KIFAP3: variants seen among roughly 807,000 people sequenced by gnomAD.
KIFAP3 encodes kinesin-associated protein 3.
A neutral mutation model predicts 106.5 loss-of-function variants in KIFAP3; 68 were observed. The ratio of observed to expected loss-of-function variants is 0.64; its 90% CI spans 0.53 to 0.78. KIFAP3 has a LOEUF of 0.78. KIFAP3 is among the 30% of genes least tolerant of loss of function. KIFAP3 has a pLI of 0.00. For synonymous variants in KIFAP3, 320 were observed against 311.5 expected, an observed-to-expected ratio of 1.03 and a Z score of -0.29; for missense variants, 780 against 941.8, an observed-to-expected ratio of 0.83 and a Z score of 2.25.
At chr1:170,049,818 C>G (rs1486567828) in intron 2 of KIFAP3, among the ~76,000 whole-genome samples, 2 of 151,258 alleles carry the variant, frequency 1.3e-5, no homozygotes, top group Non-Finnish European at 3.0e-5. Context: ...CCACCCCCCC[C>G]CAAAAAAAAC....
chr1:170,005,541 G>T (rs914383262), intron 10 of KIFAP3, among the ~76,000 whole-genome samples: 2 of 151,878 alleles, frequency 1.3e-5, no homozygotes, highest in Admixed American at 6.6e-5. Context: ...AAAATGATGA[G>T]TTCATGTCCT....
At chr1:170,077,720 C>T (rs900222539), upstream of KIFAP3, among the ~76,000 whole-genome samples, 2 of 152,266 alleles carry the variant, frequency 1.3e-5, no homozygotes, top group African/African-American at 4.8e-5. Flanking sequence ...GCCTTATCCC[C>T]ACAACCCCAG....
intron 1 of KIFAP3, chr1:170,069,010 G>C (rs906272877): frequency 6.6e-6 from 1 of 152,016 alleles, no homozygotes; most frequent in African/African-American, 2.4e-5. Flanking sequence ...GAAAAGAAGA[G>C]ACTCAAATTA....
chr1:169,932,265 G>A (rs1230314921), intron 19 of KIFAP3, among the ~76,000 whole-genome samples: 1 of 152,116 alleles, frequency 6.6e-6, no homozygotes, highest in Non-Finnish European at 1.5e-5. Context: ...CTTGTTGGAG[G>A]TGGGGGCAAG....
chr1:170,077,430 T>C (rs1172305252), upstream of KIFAP3, among the ~76,000 whole-genome samples: 1 of 152,148 alleles, frequency 6.6e-6, no homozygotes, highest in Non-Finnish European at 1.5e-5. Context: ...TTTGAAATAT[T>C]CACACAATAC....
chr1:170,074,791 G>A (rs1671863491), upstream of KIFAP3: 2 of 1,197,674 alleles, frequency 1.7e-6, no homozygotes, highest in Admixed American at 3.5e-5. Flanking sequence ...GCACCGGGGA[G>A]CCGAGCAGGG....
intron 7 of KIFAP3, 72 bp downstream of exon 7, chr1:170,034,300 A>T: frequency 6.9e-7 from 1 of 1,440,366 alleles, no homozygotes; most frequent in South Asian, 1.3e-5. Flanking sequence ...AAAAAAGAAC[A>T]AAACCATCCC....
intron 1 of KIFAP3, among the ~76,000 whole-genome samples, chr1:170,080,804 CAT>C (rs1672007405): frequency 6.6e-6 from 1 of 152,052 alleles, no homozygotes; most frequent in Non-Finnish European, 1.5e-5. Flanking sequence ...GCCATTTTAT[CAT>C]GTGTGTAAAT....
At chr1:170,055,482 A>T (rs774624193) in intron 1 of KIFAP3, 46 bp from the exon 2 acceptor site, 1 of 1,482,094 alleles carries the variant, frequency 6.7e-7, no homozygotes, top group Non-Finnish European at 9.1e-7. Flanking sequence ...AAATTCTCAA[A>T]GTGGCCATGG....
chr1:169,972,588 T>C lies in KIFAP3; in HGVS notation c.1908A>G (p.Ala636=), dbSNP rs1269477683. The C allele has an allele frequency of 1.3e-6, 2 of 1,555,274 alleles. No homozygotes were observed. Among genetic ancestry groups the C allele is most frequent in the Non-Finnish European group, 1.8e-6 (2 of 1,135,718 alleles). The stretch of plus-strand genomic sequence containing the variant: ...TATCATGCATTAGGTCTATGAGATA[T>C]GCTGGAGCCTCTGAATAAAAATGGT... ...DVIIKETQAP[A]YLIDLMHDKN... The change falls in exon 17 of 20, where the codon GCA becomes GCG. Residue 636 remains alanine (A), a synonymous_variant. Coordinates refer to ENST00000361580, the MANE Select transcript of KIFAP3 (RefSeq NM_014970.4).
intron 2 of KIFAP3, among the ~76,000 whole-genome samples, chr1:170,049,581 G>A (rs1670466375): frequency 6.6e-6 from 1 of 152,204 alleles, no homozygotes; most frequent in Non-Finnish European, 1.5e-5. Flanking sequence ...CCTCATAAAG[G>A]AGATCTCTGG....
chr1:170,064,561 C>T (rs1671339667), intron 1 of KIFAP3, among the ~76,000 whole-genome samples: 1 of 152,116 alleles, frequency 6.6e-6, no homozygotes, highest in African/African-American at 2.4e-5. Flanking sequence ...AACATATTGC[C>T]CAGGCTAGTC....
At chr1:170,019,694 G>C (rs947620877) in intron 9 of KIFAP3, among the ~76,000 whole-genome samples, 2 of 152,198 alleles carry the variant, frequency 1.3e-5, no homozygotes, top group Non-Finnish European at 1.5e-5. Context: ...TCCTTAAACT[G>C]ATAGCAAGTA....
chr1:169,997,639 G>C (rs1667431051), intron 10 of KIFAP3, among the ~76,000 whole-genome samples: 1 of 152,034 alleles, frequency 6.6e-6, no homozygotes, highest in African/African-American at 2.4e-5. Flanking sequence ...GGGAGGCTGA[G>C]GCATGTGGAT....
At chr1:170,001,503 A>C (rs1428919855) in intron 10 of KIFAP3, among the ~76,000 whole-genome samples, 1 of 152,178 alleles carries the variant, frequency 6.6e-6, no homozygotes, top group East Asian at 1.9e-4. Context: ...TGACGGCGAG[A>C]CATGTGCTTT....
Position 169,954,450 on chromosome 1 carries a change from G to A in KIFAP3, c.2174-340C>T, listed in dbSNP as rs536419889. Among the ~76,000 whole-genome samples, 21 of 152,272 alleles carry A rather than the reference G, an allele frequency of 1.4e-4. 1 individual carries two copies. The South Asian group carries it at 4.1e-3, about 30-fold the overall frequency. ...AAGGGAAGCAAGGTGGGGACAGACA[G>A]TAAGGATGGTTCAGGCTAAGGAAAT... On this transcript the variant is annotated intron_variant, in intron 18 of 19. Coordinates refer to ENST00000361580, the MANE Select transcript of KIFAP3 (RefSeq NM_014970.4).
chr1:170,052,363 A>G (rs1670619360), intron 2 of KIFAP3, among the ~76,000 whole-genome samples: 1 of 152,092 alleles, frequency 6.6e-6, no homozygotes, highest in African/African-American at 2.4e-5. Flanking sequence ...CAACCAAAAA[A>G]AGAAAAAGGC....
intron 12 of KIFAP3, among the ~76,000 whole-genome samples, 174 bp downstream of exon 12, chr1:169,984,408 C>A (rs1385457739): frequency 6.6e-6 from 1 of 151,768 alleles, no homozygotes; most frequent in Non-Finnish European, 1.5e-5. Context: ...TAAGTGTCTG[C>A]ATTTATGACG....
chr1:170,028,310 AAT>A (rs1669225531), intron 8 of KIFAP3, among the ~76,000 whole-genome samples: 1 of 152,016 alleles, frequency 6.6e-6, no homozygotes, highest in Admixed American at 6.6e-5. Context: ...ATAAAATGAT[AAT>A]GTGTTATACA....
Sources: allele counts gnomAD v4.1 joint callset (sites outside exome capture counted in the v4.1 genomes callset), GRCh38; gene constraint gnomAD v4.1.1; transcripts MANE v1.5; gene names NCBI Gene and HGNC (gene_info 2026-07-23, HGNC 2026-07-21).